Variants in TMEM132E observed in about 807,000 individuals in gnomAD.
The protein encoded by TMEM132E is transmembrane protein 132E.
A neutral mutation model predicts 78.5 loss-of-function variants in TMEM132E; 49 were observed. The observed-to-expected ratio is 0.62, with a 90% CI of 0.50 to 0.79. The LOEUF (loss-of-function observed/expected upper bound fraction) is 0.79. Among genes scored for constraint, TMEM132E ranks in the 30% least tolerant of loss-of-function variants. The pLI is 0.00. For synonymous variants in TMEM132E, 715 were observed against 670.6 expected (o/e 1.07, Z -1.02); for missense variants, 1,403 against 1,470.9 (o/e 0.95, Z 0.75).
intron 1 of TMEM132E, among the ~76,000 whole-genome samples, chr17:34,621,159 A>G (rs9913247): frequency 0.62 from 94,658 of 152,012 alleles, 29,934 homozygotes; most frequent in East Asian, 0.91. Flanking sequence ...GGGCAGAAAT[A>G]CCAAATCCCC....
intron 5 of TMEM132E, among the ~76,000 whole-genome samples, chr17:34,630,990 C>T (rs1907330170): frequency 6.6e-6 from 1 of 152,172 alleles, no homozygotes; most frequent in Non-Finnish European, 1.5e-5. Flanking sequence ...GAGCAGATGT[C>T]CAGCCCTGGT....
intron 1 of TMEM132E, among the ~76,000 whole-genome samples, chr17:34,597,649 C>T (rs2142057193): frequency 6.6e-6 from 1 of 152,314 alleles, no homozygotes; most frequent in South Asian, 2.1e-4. Context: ...AACCCAGCCT[C>T]AGCTCCTGGC....
At chr17:34,595,676 G>A (rs1355486542) in intron 1 of TMEM132E, among the ~76,000 whole-genome samples, 1 of 152,228 alleles carries the variant, frequency 6.6e-6, no homozygotes, top group Non-Finnish European at 1.5e-5. Flanking sequence ...GAGGGGAGGA[G>A]TTATAAAGCC....
chr17:34,632,508 G>T (rs1361767636), intron 5 of TMEM132E, among the ~76,000 whole-genome samples, 196 bp from the exon 6 acceptor site: 1 of 152,230 alleles, frequency 6.6e-6, no homozygotes, highest in Non-Finnish European at 1.5e-5. Flanking sequence ...GCACCAAGAG[G>T]TGATCTCAAG....
At chr17:34,618,316 C>T (rs766645505) in intron 1 of TMEM132E, among the ~76,000 whole-genome samples, 1 of 152,010 alleles carries the variant, frequency 6.6e-6, no homozygotes, top group Non-Finnish European at 1.5e-5. Flanking sequence ...TAGCTCACTG[C>T]AGCCTTGAAC....
chr17:34,632,086 G>A (rs762642939), intron 5 of TMEM132E, among the ~76,000 whole-genome samples: 26 of 152,292 alleles, frequency 1.7e-4, no homozygotes, highest in East Asian at 3.9e-4. Context: ...CCATTCACCC[G>A]TCTGTGCTTG....
At chr17:34,624,235 G>A (rs1907052995) in intron 1 of TMEM132E, among the ~76,000 whole-genome samples, 1 of 152,252 alleles carries the variant, frequency 6.6e-6, no homozygotes, top group Non-Finnish European at 1.5e-5. Context: ...GTGAATGTTT[G>A]TGAAACTGCC....
chr17:34,605,557 G>A (rs1906384499), intron 1 of TMEM132E, among the ~76,000 whole-genome samples: 1 of 152,152 alleles, frequency 6.6e-6, no homozygotes, highest in African/African-American at 2.4e-5. Context: ...CAATAGCTTT[G>A]CCTACAGGCG....
chr17:34,604,565 C>A (rs1214614447), intron 1 of TMEM132E, among the ~76,000 whole-genome samples: 1 of 152,124 alleles, frequency 6.6e-6, no homozygotes, highest in Admixed American at 6.5e-5. Context: ...TCCCTCCACA[C>A]ATGTGCGCAC....
At chr17:34,612,639 C>T (rs928123502) in intron 1 of TMEM132E, among the ~76,000 whole-genome samples, 2 of 152,186 alleles carry the variant, frequency 1.3e-5, no homozygotes, top group African/African-American at 4.8e-5. Flanking sequence ...CACACAAGTG[C>T]CTGGCAGAGC....
At chr17:34,624,028 C>A (rs1255462277) in intron 1 of TMEM132E, among the ~76,000 whole-genome samples, 2 of 152,206 alleles carry the variant, frequency 1.3e-5, no homozygotes, top group Non-Finnish European at 2.9e-5. Context: ...TCCGAGCATG[C>A]CACAGGAGAA....
chr17:34,632,724 C>T lies in TMEM132E; in HGVS notation c.1503C>T (p.Tyr501=), dbSNP rs770284036. The change falls in exon 6 of 9, where the codon TAC becomes TAT. Residue 501 remains tyrosine, a synonymous_variant. Coordinates refer to ENST00000631683, the MANE Select transcript of TMEM132E (RefSeq NM_001304438.2). ...CCCAGGTATCCAGCAGCTGTGACTA[C>T]GTGTTTGTGAGTGGAAAAGAGTCTC... ...DIIKVSSSCD[Y]VFVSGKESRG... 30 of 1,614,026 alleles carry T rather than the reference C, an allele frequency of 1.9e-5. No homozygotes were observed. Among genetic ancestry groups the T allele is most frequent in the African/African-American group, 9.3e-5 (7 of 74,906 alleles).
At chr17:34,598,573 CT>C (rs1906131359) in intron 1 of TMEM132E, among the ~76,000 whole-genome samples, 1 of 152,200 alleles carries the variant, frequency 6.6e-6, no homozygotes, top group Non-Finnish European at 1.5e-5. Context: ...CTGCCCACCC[CT>C]GACAGAAGGC....
At chr17:34,615,579 C>A (rs1906754861) in intron 1 of TMEM132E, among the ~76,000 whole-genome samples, 1 of 149,814 alleles carries the variant, frequency 6.7e-6, no homozygotes. Flanking sequence ...CAGGGCCATC[C>A]CAGTCATTCC....
intron 1 of TMEM132E, among the ~76,000 whole-genome samples, chr17:34,589,118 C>G (rs754522365): frequency 1.3e-5 from 2 of 152,140 alleles, no homozygotes; most frequent in Non-Finnish European, 2.9e-5. Flanking sequence ...GGGAGGGATG[C>G]GTAGCATTAA....
At chr17:34,635,983 C>A in intron 7 of TMEM132E, 24 bp from the exon 8 acceptor site, 3 of 1,374,302 alleles carry the variant, frequency 2.2e-6, no homozygotes, top group Non-Finnish European at 2.8e-6. Flanking sequence ...GGTTCTCTCC[C>A]ACCCCGGTCC....
Position 34,638,256 on chromosome 17 carries a change from A to AC in TMEM132E, c.*35dup, listed in dbSNP as rs746915644. On this transcript the variant is annotated 3_prime_UTR_variant, in exon 9 of 9. Coordinates refer to ENST00000631683, the MANE Select transcript of TMEM132E (RefSeq NM_001304438.2). ...AGAGGCGCCAGCCGGAGTAGCAGGGACCCCCCCCCCCAACGGGGTCAGCTC... is the reference window on the plus strand; with the variant it reads ...AGAGGCGCCAGCCGGAGTAGCAGGGACCCCCCCCCCCCAACGGGGTCAGCTC... 0.061 allele frequency: 74,733 copies of AC among 1,217,246 alleles called. 280 individuals carry two copies. The highest frequency in any genetic ancestry group is 0.1 in the South Asian group (5,981 of 58,008). 75.4% of individuals were successfully genotyped at this position (1,217,246 alleles called of 1,614,324 possible).
chr17:34,638,256 A>AT lies in TMEM132E; in HGVS notation c.*24_*25insT. On this transcript the variant is annotated 3_prime_UTR_variant, in exon 9 of 9. Transcript: ENST00000631683. ...AGAGGCGCCAGCCGGAGTAGCAGGG[A>AT]CCCCCCCCCCCAACGGGGTCAGCTC... The AT allele has an allele frequency of 8.1e-7, 1 of 1,236,506 alleles. No individual in the cohort carries two copies. The highest frequency in any genetic ancestry group is 1.1e-6 in the Non-Finnish European group (1 of 933,882). 76.6% of individuals were successfully genotyped at this position (1,236,506 alleles called of 1,614,324 possible).
At chr17:34,615,024 A>G (rs1180732085) in intron 1 of TMEM132E, among the ~76,000 whole-genome samples, 1 of 152,160 alleles carries the variant, frequency 6.6e-6, no homozygotes, top group East Asian at 1.9e-4. Flanking sequence ...GCAAGGCTCC[A>G]GGGGCCAGAG....
Sources: allele counts gnomAD v4.1 joint callset (sites outside exome capture counted in the v4.1 genomes callset), GRCh38; gene constraint gnomAD v4.1.1; transcripts MANE v1.5; gene names NCBI Gene and HGNC (gene_info 2026-07-23, HGNC 2026-07-21).